GDAP1: variants seen among roughly 807,000 people sequenced by gnomAD.
The protein encoded by GDAP1 is ganglioside-induced differentiation-associated protein 1.
Under a neutral mutation model 40.1 loss-of-function variants are expected in GDAP1, and 34 were observed. The ratio of observed to expected loss-of-function variants is 0.85; its 90% CI spans 0.64 to 1.13. The LOEUF (loss-of-function observed/expected upper bound fraction) is 1.13, where lower values mean the gene tolerates loss of function less well. GDAP1 is among the 50% of genes most tolerant of loss of function. The probability of loss-of-function intolerance (pLI) is 0.00; values close to 1 mark genes in which losing one functional copy is unlikely to be tolerated. For missense variants in GDAP1, 374 were observed against 433.7 expected, an observed-to-expected ratio of 0.86 and a Z score of 1.22; for synonymous variants, 170 against 157.4, an observed-to-expected ratio of 1.08 and a Z score of -0.60.
At chr8:74,369,515 A>C (rs1381055977), downstream of GDAP1, among the ~76,000 whole-genome samples, 1 of 152,166 alleles carries the variant, frequency 6.6e-6, no homozygotes, top group Non-Finnish European at 1.5e-5. Context: ...TGGCAAAAGG[A>C]AGATAAAGAA....
intron 2 of GDAP1, among the ~76,000 whole-genome samples, chr8:74,358,908 A>G (rs1315394696): frequency 1.3e-5 from 2 of 152,200 alleles, no homozygotes; most frequent in African/African-American, 2.4e-5. Flanking sequence ...TTGATAACCA[A>G]TAGAACTCAC....
At chr8:74,487,923 A>C (rs1197992301) in intron 2 of GDAP1, among the ~76,000 whole-genome samples, 2 of 152,148 alleles carry the variant, frequency 1.3e-5, no homozygotes, top group Non-Finnish European at 2.9e-5. Flanking sequence ...TCTTGATCCA[A>C]ACACTGGGGT....
In GDAP1 at chr8:74,360,234, T is replaced by C. The variant is rs766998162; in HGVS notation, c.408T>C (p.Tyr136=). The change falls in exon 3 of 6, where the codon TAT becomes TAC. Residue 136 remains tyrosine, a synonymous_variant. Transcript: ENST00000220822. ...TTGACTCCTTGCCAATGGATGCCTA[T>C]ACACATGGCTGCATTTTACATCCTG... ...ELLDSLPMDA[Y]THGCILHPEL... is the part of the protein sequence containing the mutation. 6.2e-7 allele frequency: 1 copy of C among 1,613,346 alleles called. No individual in the cohort carries two copies. Among genetic ancestry groups the C allele is most frequent in the Non-Finnish European group, 8.5e-7 (1 of 1,179,248 alleles).
At chr8:74,475,539 T>C (rs1239015117) in intron 2 of GDAP1, among the ~76,000 whole-genome samples, 6 of 152,236 alleles carry the variant, frequency 3.9e-5, no homozygotes, top group African/African-American at 1.4e-4. Flanking sequence ...TCTCATTATT[T>C]ATCTAAAAGT....
At chr8:74,351,586 T>A in intron 2 of GDAP1, 120 bp downstream of exon 2, 2 of 853,588 alleles carry the variant, frequency 2.3e-6, no homozygotes, top group Non-Finnish European at 4.0e-6. Flanking sequence ...GGTTTGGGAT[T>A]AAAAACCTTT....
chr8:74,373,525 A>G (rs1358510595), intron 2 of GDAP1, among the ~76,000 whole-genome samples: 1 of 152,196 alleles, frequency 6.6e-6, no homozygotes, highest in African/African-American at 2.4e-5. Context: ...AGCAATTGTG[A>G]ATGGGAGTTC....
At chr8:74,398,866 T>C (rs1482053860) in intron 2 of GDAP1, among the ~76,000 whole-genome samples, 3 of 152,086 alleles carry the variant, frequency 2.0e-5, no homozygotes, top group African/African-American at 4.8e-5. Context: ...GATTTGCGTA[T>C]ATTGAACCAG....
At chr8:74,427,576 C>G (rs985031648) in intron 2 of GDAP1, among the ~76,000 whole-genome samples, 3 of 152,196 alleles carry the variant, frequency 2.0e-5, no homozygotes, top group Admixed American at 6.5e-5. Flanking sequence ...CTTTGATACT[C>G]TTTCCAGCCC....
At chr8:74,456,658 AG>A (rs1806339391) in intron 2 of GDAP1, among the ~76,000 whole-genome samples, 1 of 151,974 alleles carries the variant, frequency 6.6e-6, no homozygotes, top group African/African-American at 2.4e-5. Flanking sequence ...TCTTGAAGAC[AG>A]TTATAATAGG....
intron 2 of GDAP1, among the ~76,000 whole-genome samples, chr8:74,437,583 T>C (rs537912054): frequency 2.0e-5 from 3 of 152,286 alleles, no homozygotes; most frequent in South Asian, 4.1e-4. Flanking sequence ...ATGCTGAGTT[T>C]TCCTTTTTAT....
intron 2 of GDAP1, among the ~76,000 whole-genome samples, chr8:74,428,535 C>T (rs968754608): frequency 6.0e-5 from 9 of 149,756 alleles, no homozygotes; most frequent in African/African-American, 1.7e-4. Flanking sequence ...GTCATGATCT[C>T]GGCCCCCTGC....
chr8:74,368,694 T>G (rs1809699889), downstream of GDAP1, among the ~76,000 whole-genome samples: 2 of 152,166 alleles, frequency 1.3e-5, no homozygotes, highest in African/African-American at 4.8e-5. Context: ...TCATTAACAC[T>G]TTGTTAATCC....
Position 74,364,905 on chromosome 8 carries a change from C to T in GDAP1, c.*538C>T, listed in dbSNP as rs780299205. 4.4e-6 allele frequency: 2 copies of T among 454,102 alleles called. No homozygotes were observed. The highest frequency in any genetic ancestry group is 1.6e-5 in the South Asian group (1 of 64,466). 28.1% of individuals were successfully genotyped at this position (454,102 alleles called of 1,614,324 possible). On this transcript the variant is annotated 3_prime_UTR_variant, in exon 6 of 6. Coordinates refer to ENST00000220822, the MANE Select transcript of GDAP1 (RefSeq NM_018972.4). ...GTGCTTATATACTAGAAATTTGATGCTCATTGGAACACATCTGCCTAGCAT... is the reference window on the plus strand; with the variant it reads ...GTGCTTATATACTAGAAATTTGATGTTCATTGGAACACATCTGCCTAGCAT...
At chr8:74,399,527 G>A (rs928744162) in intron 2 of GDAP1, among the ~76,000 whole-genome samples, 1 of 146,322 alleles carries the variant, frequency 6.8e-6, no homozygotes, top group Non-Finnish European at 1.5e-5. Context: ...TTTTTTGAAG[G>A]GTTTTTTGTG....
intron 2 of GDAP1, among the ~76,000 whole-genome samples, chr8:74,475,532 C>T (rs571862194): frequency 1.2e-4 from 18 of 152,224 alleles, no homozygotes; most frequent in Non-Finnish European, 2.4e-4. Context: ...GCCTTAATCT[C>T]ATTATTTATC....
intron 2 of GDAP1, among the ~76,000 whole-genome samples, chr8:74,434,320 C>T (rs575657986): frequency 1.7e-4 from 26 of 152,304 alleles, no homozygotes; most frequent in African/African-American, 6.0e-4. Flanking sequence ...GTGACAGTGT[C>T]AGCCAGTTAA....
intron 2 of GDAP1, among the ~76,000 whole-genome samples, chr8:74,402,493 C>A (rs1810363903): frequency 6.6e-6 from 1 of 150,470 alleles, no homozygotes; most frequent in Non-Finnish European, 1.5e-5. Context: ...AACTCCCTGA[C>A]CCCTTGCGCT....
intron 2 of GDAP1, among the ~76,000 whole-genome samples, chr8:74,408,222 G>T (rs1383258824): frequency 6.7e-6 from 1 of 150,012 alleles, no homozygotes; most frequent in East Asian, 1.9e-4. Context: ...CTGAGGACGG[G>T]CTTTAAAAAA....
intron 2 of GDAP1, among the ~76,000 whole-genome samples, chr8:74,438,509 T>G (rs1183994567): frequency 6.6e-6 from 1 of 152,220 alleles, no homozygotes; most frequent in Non-Finnish European, 1.5e-5. Flanking sequence ...ACTAATGAGG[T>G]TGAGCGTCTT....
Sources: gnomAD v4.1 joint callset for allele counts (sites outside exome capture counted in the v4.1 genomes callset) on GRCh38, gnomAD v4.1.1 for gene constraint, MANE v1.5 for transcripts, NCBI Gene and HGNC (gene_info 2026-07-23, HGNC 2026-07-21) for gene names.